Variants in MEIS1 observed in about 807,000 individuals in gnomAD.
MEIS1 encodes the protein homeobox protein Meis1.
MEIS1 carries 5 observed loss-of-function variants against 50.8 expected under a neutral mutation model. That is an observed-to-expected ratio of 0.10 (90% CI 0.05 to 0.21). MEIS1 has a LOEUF of 0.21. Ranked by LOEUF, MEIS1 falls within the 10% of genes least tolerant of loss-of-function variation. The pLI is 1.00. For missense variants in MEIS1, 318 were observed against 517.3 expected, an observed-to-expected ratio of 0.61 and a Z score of 3.74; for synonymous variants, 176 against 179.3, an observed-to-expected ratio of 0.98 and a Z score of 0.15.
intron 8 of MEIS1, among the ~76,000 whole-genome samples, chr2:66,518,234 C>T (rs776323342): frequency 3.9e-5 from 6 of 152,316 alleles, no homozygotes; most frequent in Admixed American, 2.6e-4. Context: ...TCTGAGCACA[C>T]GACCTCTGTC....
chr2:66,440,252 ACT>A (rs1302119806), intron 3 of MEIS1: 1 of 588,786 alleles, frequency 1.7e-6, no homozygotes, highest in South Asian at 2.1e-5. Context: ...TGGAGAGCTC[ACT>A]CTGCAGAATA....
chr2:66,478,709 A>G (rs1672950228), intron 7 of MEIS1, among the ~76,000 whole-genome samples: 1 of 152,240 alleles, frequency 6.6e-6, no homozygotes, highest in African/African-American at 2.4e-5. Context: ...TAATGCAACA[A>G]TTCCAAATAG....
At chr2:66,535,792 TTC>T (rs1399806119) in intron 8 of MEIS1, among the ~76,000 whole-genome samples, 2 of 152,188 alleles carry the variant, frequency 1.3e-5, no homozygotes, top group Non-Finnish European at 2.9e-5. Flanking sequence ...GATTTTTTTT[TTC>T]TTCTTAAGGG....
chr2:66,480,999 T>TAAAA (rs957444246), intron 7 of MEIS1, among the ~76,000 whole-genome samples: 1 of 144,612 alleles, frequency 6.9e-6, no homozygotes, highest in African/African-American at 2.5e-5. Flanking sequence ...GAATCTCTGT[T>TAAAA]AAAAAAAAAA....
intron 6 of MEIS1, among the ~76,000 whole-genome samples, chr2:66,457,407 T>A (rs900346346): frequency 2.6e-5 from 4 of 152,110 alleles, no homozygotes. Context: ...GACAAGACTT[T>A]AAATACTCAG....
chr2:66,525,783 C>T (rs1221917696), intron 8 of MEIS1, among the ~76,000 whole-genome samples: 5 of 152,188 alleles, frequency 3.3e-5, no homozygotes, highest in African/African-American at 9.6e-5. Flanking sequence ...GGTTCACCTC[C>T]ACCACAAGGA....
intron 7 of MEIS1, among the ~76,000 whole-genome samples, chr2:66,501,317 T>C (rs1044123237): frequency 1.2e-4 from 19 of 152,264 alleles, no homozygotes; most frequent in African/African-American, 3.6e-4. Flanking sequence ...ATTGGGGGAT[T>C]TCCATTTTAT....
At chr2:66,558,348 C>A (rs1208217056) in intron 9 of MEIS1, among the ~76,000 whole-genome samples, 1 of 149,778 alleles carries the variant, frequency 6.7e-6, no homozygotes, top group Non-Finnish European at 1.5e-5. Flanking sequence ...ACACTGAAAT[C>A]CAGCAACTCA....
Position 66,435,550 on chromosome 2 carries a change from C to G in MEIS1, c.-307C>G. 2.1e-4 allele frequency: 75 copies of G among 362,934 alleles called. No homozygotes were observed. In the Middle Eastern group the frequency reaches 2.2e-3, roughly 11 times the overall value. The allele number at this position is 362,934 out of a possible 1,614,324, so 22.5% of individuals were successfully genotyped here. On this transcript the variant is annotated 5_prime_UTR_variant, in exon 1 of 13. Coordinates refer to ENST00000272369, the MANE Select transcript of MEIS1 (RefSeq NM_002398.3). ...GGCGCTCTTTTTTTTCCTTTTCTTT[C>G]TTTCTTTCTTTTTTTTTTTTTAAAC...
chr2:66,567,720 CAG>C, intron 10 of MEIS1: 1 of 667,500 alleles, frequency 1.5e-6, no homozygotes. Flanking sequence ...AAAAAGCCAA[CAG>C]AGAAAAGTAA....
At chr2:66,513,930 T>G (rs961998151) in intron 8 of MEIS1, among the ~76,000 whole-genome samples, 1 of 152,116 alleles carries the variant, frequency 6.6e-6, no homozygotes, top group African/African-American at 2.4e-5. Context: ...ACGAATGATA[T>G]GACATTTAGA....
At chr2:66,495,198 G>C (rs1167377872) in intron 7 of MEIS1, among the ~76,000 whole-genome samples, 1 of 145,570 alleles carries the variant, frequency 6.9e-6, no homozygotes, top group African/African-American at 2.6e-5. Context: ...ATCCAAACTA[G>C]TCACATTTCA....
rs6705647 is a variant in MEIS1, at chr2:66,482,690, G to T, written c.742+18470G>T. Among the ~76,000 whole-genome samples the T allele has an allele frequency of 2.0e-5, 3 of 152,184 alleles. No individual in the cohort carries two copies. In the South Asian group the frequency reaches 6.2e-4, roughly 31 times the overall value. ...TGCTAAGCTCTGGGATGACAGAAAT[G>T]AGTAAGACCAATCCCTGTCCTCAAG... On this transcript the variant is annotated intron_variant, in intron 7 of 12. Coordinates refer to ENST00000272369, the MANE Select transcript of MEIS1 (RefSeq NM_002398.3).
intron 8 of MEIS1, among the ~76,000 whole-genome samples, chr2:66,546,722 TATTG>T (rs1326631910): frequency 2.6e-5 from 4 of 152,214 alleles, no homozygotes; most frequent in Admixed American, 6.5e-5. Flanking sequence ...ATTGTGTATT[TATTG>T]ATTAAGTGAC....
At chr2:66,515,869 G>A (rs531826081) in intron 8 of MEIS1, among the ~76,000 whole-genome samples, 148 of 152,250 alleles carry the variant, frequency 9.7e-4, no homozygotes, top group African/African-American at 3.4e-3. Flanking sequence ...CAATTAAAAC[G>A]TGCTTAATAT....
intron 7 of MEIS1, among the ~76,000 whole-genome samples, chr2:66,482,609 A>G (rs1000223773): frequency 6.6e-5 from 10 of 152,234 alleles, no homozygotes; most frequent in Non-Finnish European, 1.3e-4. Context: ...GCTTAGCATT[A>G]TATTTCTTGC....
At chr2:66,488,302 C>G (rs1673188872) in intron 7 of MEIS1, among the ~76,000 whole-genome samples, 2 of 152,154 alleles carry the variant, frequency 1.3e-5, no homozygotes, top group Admixed American at 1.3e-4. Context: ...TATGAGGTCA[C>G]CTTACATGGT....
intron 7 of MEIS1, among the ~76,000 whole-genome samples, chr2:66,501,588 A>G (rs72821218): frequency 0.15 from 22,277 of 151,916 alleles, 1,815 homozygotes; most frequent in South Asian, 0.31. Flanking sequence ...TTCAAGTCAA[A>G]AAGTAATATT....
intron 7 of MEIS1, among the ~76,000 whole-genome samples, chr2:66,472,227 G>A (rs1573156234): frequency 6.6e-6 from 1 of 152,204 alleles, no homozygotes; most frequent in African/African-American, 2.4e-5. Context: ...ATTGTTTCAG[G>A]TGGTAGATTC....
Sources: allele counts gnomAD v4.1 joint callset (sites outside exome capture counted in the v4.1 genomes callset), GRCh38; gene constraint gnomAD v4.1.1; transcripts MANE v1.5; gene names NCBI Gene and HGNC (gene_info 2026-07-23, HGNC 2026-07-21).